The following JPH2 variants were observed in gnomAD, a reference collection of about 807,000 sequenced individuals.
The protein encoded by JPH2 is junctophilin-2.
A neutral mutation model predicts 55.9 loss-of-function variants in JPH2; 38 were observed. The ratio of observed to expected loss-of-function variants is 0.68; its 90% CI spans 0.52 to 0.89. The LOEUF is 0.89. Ranked by LOEUF, JPH2 falls within the 40% of genes least tolerant of loss-of-function variation. The probability of loss-of-function intolerance (pLI) is 0.00; values close to 1 mark genes in which losing one functional copy is unlikely to be tolerated. For missense variants in JPH2, 964 were observed against 1,037.6 expected (o/e 0.93, Z 0.97); for synonymous variants, 480 against 472.4 (o/e 1.02, Z -0.21).
At chr20:44,166,367 A>G (rs2145884953) in intron 1 of JPH2, among the ~76,000 whole-genome samples, 1 of 152,358 alleles carries the variant, frequency 6.6e-6, no homozygotes, top group African/African-American at 2.4e-5. Flanking sequence ...TAAAAATGAA[A>G]GGGAAAAGTG....
rs550213708 is a variant in JPH2 at position 44,173,549 on chromosome 20, C to G, written c.379+12778G>C. 7.2e-5 allele frequency among the ~76,000 whole-genome samples: 11 copies of G among 152,334 alleles called. No homozygotes were observed. The East Asian group carries it at 2.1e-3, about 29-fold the overall frequency. On this transcript the variant is annotated intron_variant, in intron 1 of 5. Transcript: ENST00000372980. Reference sequence around the variant, plus strand: ...AATAAACCCCCATCTTCCCACTTGACTAGCCCTACATTTATTAAACTCTTC... The same window carrying G: ...AATAAACCCCCATCTTCCCACTTGAGTAGCCCTACATTTATTAAACTCTTC...
At chr20:44,149,633 C>G (rs377441041) in intron 2 of JPH2, among the ~76,000 whole-genome samples, 121 of 152,330 alleles carry the variant, frequency 7.9e-4, no homozygotes, top group African/African-American at 2.8e-3. Flanking sequence ...TTCCCCCCAA[C>G]CCCTGCTCCT....
intron 2 of JPH2, among the ~76,000 whole-genome samples, chr20:44,126,285 A>T (rs1005396887): frequency 6.6e-6 from 1 of 152,038 alleles, no homozygotes; most frequent in Non-Finnish European, 1.5e-5. Flanking sequence ...TGAATTGTTC[A>T]CTTTAGTATA....
chr20:44,117,695 C>G lies in JPH2; in HGVS notation c.1288+810G>C, dbSNP rs1225579367. 2.6e-5 allele frequency among the ~76,000 whole-genome samples: 4 copies of G among 152,204 alleles called. No homozygotes were observed. The East Asian group carries it at 5.8e-4, about 22-fold the overall frequency. ...ACTTGATAGACTCTTGTTCAGCCTG[C>G]AAGATTCAGCTCAAATGGCCTCTCC... On this transcript the variant is annotated intron_variant, in intron 3 of 5. Coordinates refer to ENST00000372980, the MANE Select transcript of JPH2 (RefSeq NM_020433.5).
In JPH2 at chr20:44,186,658, C is replaced by G. The variant is rs917953744; in HGVS notation, c.48G>C (p.Gly16=). ...FDFDDGGAYC[G]GWEGGKAHGH... is the part of the protein sequence containing the mutation. ...CATGGGCCTTTCCCCCCTCCCAGCC[C>G]CCGCAGTACGCCCCTCCATCATCAA... The change falls in exon 1 of 6, where the codon GGG becomes GGC. Residue 16 remains glycine (G), a synonymous_variant. Coordinates refer to ENST00000372980, the MANE Select transcript of JPH2 (RefSeq NM_020433.5). The G allele has an allele frequency of 6.2e-7, 1 of 1,605,934 alleles. No homozygotes were observed. The highest frequency in any genetic ancestry group is 8.5e-7 in the Non-Finnish European group (1 of 1,179,622).
In JPH2 at chr20:44,107,740, C is replaced by T. The variant is rs2072116744; in HGVS notation, c.*5778G>A. 6.6e-6 allele frequency among the ~76,000 whole-genome samples: 1 copy of T among 152,154 alleles called. No homozygotes were observed. The highest frequency in any genetic ancestry group is 2.1e-4 in the South Asian group (1 of 4,820). ...GATATAGAGATGAATCACAGATAGC[C>T]CCTCTCTTAAGGAACTCAGTCTAGT... On this transcript the variant is annotated 3_prime_UTR_variant, in exon 6 of 6. Transcript: ENST00000372980.
At chr20:44,178,894 A>G (rs1014690309) in intron 1 of JPH2, among the ~76,000 whole-genome samples, 2 of 152,220 alleles carry the variant, frequency 1.3e-5, no homozygotes, top group Admixed American at 1.3e-4. Flanking sequence ...AACATGTATC[A>G]CAGGCCCAGA....
intron 2 of JPH2, among the ~76,000 whole-genome samples, chr20:44,127,425 C>T (rs970148875): frequency 2.0e-5 from 3 of 151,834 alleles, no homozygotes; most frequent in African/African-American, 4.8e-5. Context: ...TATTATGTTC[C>T]ATTGGTAATA....
intron 1 of JPH2, among the ~76,000 whole-genome samples, chr20:44,168,555 G>C (rs2024551): frequency 0.013 from 1,998 of 152,260 alleles, 43 homozygotes; most frequent in African/African-American, 0.046. Context: ...TATCTTAATG[G>C]ATACAGGTAA....
chr20:44,121,633 G>A lies in JPH2; in HGVS notation c.1170-3010C>T, dbSNP rs531847452. Reference sequence around the variant, plus strand: ...AACTTAACCCCCCAATAACTCTACAGGGTAGATGTTATTCCTATCATCCCT... The same window carrying A: ...AACTTAACCCCCCAATAACTCTACAAGGTAGATGTTATTCCTATCATCCCT... On this transcript the variant is annotated intron_variant, in intron 2 of 5. Transcript: ENST00000372980. Among the ~76,000 whole-genome samples the A allele has an allele frequency of 3.9e-5, 6 of 152,046 alleles. No individual in the cohort carries two copies. The South Asian group carries it at 1.0e-3, about 26-fold the overall frequency.
Position 44,115,886 on chromosome 20 carries a change from A to AGGGCGC in JPH2, c.1783_1788dup (p.Ala595_Pro596dup), listed in dbSNP as rs2072186303. ...TGCAGCGGGGCGGTGGCCGGGGACG[A>AGGGCGC]GGGCGCGGACTCGGACCCGGAGACC... On this transcript the variant is annotated inframe_insertion, in exon 4 of 6. Coordinates refer to ENST00000372980, the MANE Select transcript of JPH2 (RefSeq NM_020433.5). 2 of 1,580,238 alleles carry AGGGCGC rather than the reference A, an allele frequency of 1.3e-6. No individual in the cohort carries two copies. The highest frequency in any genetic ancestry group is 2.7e-5 in the African/African-American group (2 of 74,240).
At chr20:44,164,671 AAAACAAACAAACAAAC>A (rs34787127) in intron 1 of JPH2, among the ~76,000 whole-genome samples, 3,173 of 149,552 alleles carry the variant, frequency 0.021, 107 homozygotes, top group African/African-American at 0.068. Context: ...AAAGCCTCAA[AAAACAAACAAACAAAC>A]AAACAAACAA....
rs1036911295 is a variant in JPH2, at chr20:44,115,894, G to A, written c.1781C>T (p.Ser594Phe). Residue 594 changes from serine to phenylalanine, a missense_variant, in exon 4 of 6, where the codon TCC becomes TTC. By Grantham distance (155) the Ser-to-Phe change is radical. Coordinates refer to ENST00000372980, the MANE Select transcript of JPH2 (RefSeq NM_020433.5). ...GGCGGTGGCCGGGGACGAGGGCGCG[G>A]ACTCGGACCCGGAGACCTCGGGCTC... ...QPEPEVSGSE[S>F]APSSPATAPL... 4 of 1,578,180 alleles carry A rather than the reference G, an allele frequency of 2.5e-6. No homozygotes were observed. Among genetic ancestry groups the A allele is most frequent in the African/African-American group, 2.7e-5 (2 of 74,372 alleles).
At chr20:44,177,730 C>A in intron 1 of JPH2, 2 of 1,381,966 alleles carry the variant, frequency 1.4e-6, no homozygotes, top group Non-Finnish European at 1.9e-6. Flanking sequence ...CAGAACTAAG[C>A]GAATCAAAGT....
chr20:44,170,686 A>G (rs2072690923), intron 1 of JPH2, among the ~76,000 whole-genome samples: 1 of 152,240 alleles, frequency 6.6e-6, no homozygotes, highest in African/African-American at 2.4e-5. Flanking sequence ...TCCCAGAGAA[A>G]GTAAGCCAGG....
At chr20:44,130,322 T>C (rs6073346) in intron 2 of JPH2, among the ~76,000 whole-genome samples, 87,567 of 152,108 alleles carry the variant, frequency 0.58, 25,532 homozygotes, top group South Asian at 0.7. Context: ...AGCCCAGTCT[T>C]GTCCCCCAGG....
intron 2 of JPH2, among the ~76,000 whole-genome samples, chr20:44,119,692 T>G (rs1286598508): frequency 6.6e-6 from 1 of 151,912 alleles, no homozygotes; most frequent in Non-Finnish European, 1.5e-5. Flanking sequence ...GCTAACATGG[T>G]GAAACCCCAT....
intron 1 of JPH2, among the ~76,000 whole-genome samples, chr20:44,169,400 G>A (rs979213155): frequency 4.6e-5 from 7 of 151,962 alleles, no homozygotes; most frequent in Non-Finnish European, 8.8e-5. Flanking sequence ...GGCTAGTCTC[G>A]AACTCCTGAC....
rs2072117906 is a variant in JPH2, at chr20:44,107,949, A to T, written c.*5569T>A. Among the ~76,000 whole-genome samples, 1 of 152,242 alleles carries T rather than the reference A, an allele frequency of 6.6e-6. No homozygotes were observed. Among genetic ancestry groups the T allele is most frequent in the Admixed American group, 6.5e-5 (1 of 15,280 alleles). ...GGGACCACAACTCACAGCTTATGCT[A>T]ACCAGATGGCTTATAGTGAGTGCTG... On this transcript the variant is annotated 3_prime_UTR_variant, in exon 6 of 6. Coordinates refer to ENST00000372980, the MANE Select transcript of JPH2 (RefSeq NM_020433.5).
Sources: gnomAD v4.1 joint callset for allele counts (sites outside exome capture counted in the v4.1 genomes callset) on GRCh38, gnomAD v4.1.1 for gene constraint, MANE v1.5 for transcripts, NCBI Gene and HGNC (gene_info 2026-07-23, HGNC 2026-07-21) for gene names.